Variants in MTDH observed in about 807,000 individuals in gnomAD.
The protein encoded by MTDH is metadherin.
A neutral mutation model predicts 72.7 loss-of-function variants in MTDH; 34 were observed. The observed-to-expected ratio is 0.47, with a 90% CI of 0.36 to 0.62. MTDH has a LOEUF of 0.62. Among genes scored for constraint, MTDH ranks in the 20% least tolerant of loss-of-function variants. The pLI, the probability that MTDH is intolerant of heterozygous loss-of-function variation, is 0.00. For missense variants in MTDH, 677 were observed against 699.4 expected, an observed-to-expected ratio of 0.97 and a Z score of 0.36; for synonymous variants, 266 against 268.9, an observed-to-expected ratio of 0.99 and a Z score of 0.10.
At chr8:97,712,896 T>C (rs1814693958) in intron 8 of MTDH, among the ~76,000 whole-genome samples, 1 of 152,166 alleles carries the variant, frequency 6.6e-6, no homozygotes, top group Admixed American at 6.5e-5. Context: ...GAGTGTTCCT[T>C]GTATTATATT....
chr8:97,696,480 C>G (rs370281822), intron 6 of MTDH, among the ~76,000 whole-genome samples: 2 of 152,214 alleles, frequency 1.3e-5, no homozygotes, highest in African/African-American at 4.8e-5. Context: ...CTTAATTCCC[C>G]TCTCTAGGGG....
intron 2 of MTDH, among the ~76,000 whole-genome samples, chr8:97,663,748 C>CAAA (rs36101443): frequency 1.9e-4 from 16 of 85,904 alleles, no homozygotes; most frequent in African/African-American, 5.0e-4. Context: ...GACTCTGTCT[C>CAAA]AAAAAAAAAA....
At chr8:97,719,432 G>A (rs1815018793) in intron 10 of MTDH, among the ~76,000 whole-genome samples, 1 of 147,842 alleles carries the variant, frequency 6.8e-6, no homozygotes, top group Non-Finnish European at 1.5e-5. Context: ...GGCGGAGGGT[G>A]CAGTGAGCCG....
rs1461919055 is a variant in MTDH, at chr8:97,644,337, T to G, written c.-170T>G. On this transcript the variant is annotated 5_prime_UTR_variant, in exon 1 of 12. Coordinates refer to ENST00000336273, the MANE Select transcript of MTDH (RefSeq NM_178812.4). Reference sequence around the variant, plus strand: ...GACAGCGGGGAACCTGGGAGACCCCTCCGCCCTCCCCGCGGTGGCAGCGGC... The same window carrying G: ...GACAGCGGGGAACCTGGGAGACCCCGCCGCCCTCCCCGCGGTGGCAGCGGC... 3 of 874,668 alleles carry G rather than the reference T, an allele frequency of 3.4e-6. No individual in the cohort carries two copies. Among genetic ancestry groups the G allele is most frequent in the Non-Finnish European group, 4.9e-6 (3 of 608,604 alleles). The allele number at this position is 874,668 out of a possible 1,614,324, so 54.2% of individuals were successfully genotyped here. A position where few individuals can be genotyped will look rare whatever the true frequency, so the allele number is the denominator to read the frequency against.
At chr8:97,699,960 G>T (rs770445410) in intron 7 of MTDH, 108 bp downstream of exon 7, 1 of 634,076 alleles carries the variant, frequency 1.6e-6, no homozygotes, top group Non-Finnish European at 2.6e-6. Flanking sequence ...CACCTTTAAA[G>T]GTCATAAGAA....
intron 7 of MTDH, among the ~76,000 whole-genome samples, chr8:97,704,988 A>T (rs1814288628): frequency 6.6e-6 from 1 of 152,184 alleles, no homozygotes; most frequent in Non-Finnish European, 1.5e-5. Flanking sequence ...GCAGAAACAG[A>T]CTGAAGTGCA....
chr8:97,649,815 C>T (rs1229700686), intron 1 of MTDH, among the ~76,000 whole-genome samples: 1 of 152,156 alleles, frequency 6.6e-6, no homozygotes, highest in African/African-American at 2.4e-5. Flanking sequence ...GTTGCCCACG[C>T]ATGGACTCAA....
chr8:97,691,419 T>C (rs1020083062), intron 6 of MTDH, among the ~76,000 whole-genome samples: 4 of 152,240 alleles, frequency 2.6e-5, no homozygotes, highest in Non-Finnish European at 5.9e-5. Context: ...TTATCACATT[T>C]GATTATCAAC....
chr8:97,718,474 T>TA (rs1814966382), intron 9 of MTDH, among the ~76,000 whole-genome samples: 1 of 152,104 alleles, frequency 6.6e-6, no homozygotes, highest in Non-Finnish European at 1.5e-5. Flanking sequence ...TTGAAGTTGT[T>TA]AAGTGAAGTG....
intron 6 of MTDH, among the ~76,000 whole-genome samples, chr8:97,693,112 A>C (rs948221028): frequency 2.6e-5 from 4 of 152,176 alleles, no homozygotes; most frequent in African/African-American, 9.7e-5. Flanking sequence ...GTAATGCTCT[A>C]CTACATAGTG....
intron 1 of MTDH, among the ~76,000 whole-genome samples, chr8:97,648,044 C>A (rs1337802896): frequency 6.6e-6 from 1 of 151,966 alleles, no homozygotes; most frequent in East Asian, 1.9e-4. Context: ...TTTTGCGACT[C>A]CTGTTTTCAA....
intron 7 of MTDH, among the ~76,000 whole-genome samples, chr8:97,704,940 C>T (rs1814286941): frequency 6.6e-6 from 1 of 152,186 alleles, no homozygotes; most frequent in African/African-American, 2.4e-5. Flanking sequence ...ATGTATAGCA[C>T]TGTCCCAGGA....
intron 6 of MTDH, among the ~76,000 whole-genome samples, chr8:97,692,015 G>A (rs1586252211): frequency 6.6e-6 from 1 of 152,118 alleles, no homozygotes; most frequent in African/African-American, 2.4e-5. Flanking sequence ...GAGTAGCTGG[G>A]ATTATAGACA....
intron 9 of MTDH, among the ~76,000 whole-genome samples, chr8:97,717,625 C>T: frequency 1.4e-5 from 2 of 140,456 alleles, no homozygotes; most frequent in South Asian, 2.5e-4. Flanking sequence ...ATTTTTATCC[C>T]CCCCCCCCCA....
chr8:97,723,685 G>A (rs1815232552), intron 11 of MTDH, among the ~76,000 whole-genome samples: 1 of 151,788 alleles, frequency 6.6e-6, no homozygotes. Context: ...GGAGCTTGCA[G>A]TGAGCCGAGA....
chr8:97,676,410 T>C (rs1434039630), intron 2 of MTDH, among the ~76,000 whole-genome samples: 1 of 152,230 alleles, frequency 6.6e-6, no homozygotes, highest in East Asian at 1.9e-4. Context: ...AATTGGTCTT[T>C]TTGGCATGAA....
In MTDH at chr8:97,684,393, A is replaced by G. The variant is rs534925140; in HGVS notation, c.484-2275A>G. 9.9e-5 allele frequency among the ~76,000 whole-genome samples: 15 copies of G among 152,230 alleles called. No individual in the cohort carries two copies. In the South Asian group the frequency reaches 2.7e-3, roughly 27 times the overall value. ...GGTTTGCATTATATTTCTGTTGGCC[A>G]GCACTGCTCTAGACCAAGGATAGCA... On this transcript the variant is annotated intron_variant, in intron 2 of 11. Coordinates refer to ENST00000336273, the MANE Select transcript of MTDH (RefSeq NM_178812.4).
intron 2 of MTDH, among the ~76,000 whole-genome samples, chr8:97,665,140 G>A (rs1812326943): frequency 6.6e-6 from 1 of 151,966 alleles, no homozygotes; most frequent in Admixed American, 6.6e-5. Flanking sequence ...TTTGCTCTCG[G>A]AGCCATATCT....
At chr8:97,651,751 A>G (rs1428012134) in intron 1 of MTDH, among the ~76,000 whole-genome samples, 2 of 152,310 alleles carry the variant, frequency 1.3e-5, no homozygotes, top group South Asian at 2.1e-4. Context: ...TCATGTCTAC[A>G]TGTATGCTTG....
Sources: allele counts gnomAD v4.1 joint callset (sites outside exome capture counted in the v4.1 genomes callset), GRCh38; gene constraint gnomAD v4.1.1; transcripts MANE v1.5; gene names NCBI Gene and HGNC (gene_info 2026-07-23, HGNC 2026-07-21).